The following AP5Z1 variants were observed in gnomAD, a reference collection of about 807,000 sequenced individuals.
AP5Z1 encodes AP-5 complex subunit zeta-1.
In AP5Z1, 106 loss-of-function variants were observed where a neutral mutation model predicts 83.0. The ratio of observed to expected loss-of-function variants is 1.28; its 90% CI spans 1.09 to 1.50. The LOEUF (loss-of-function observed/expected upper bound fraction) is 1.50, where lower values mean the gene tolerates loss of function less well. Among genes scored for constraint, AP5Z1 ranks in the 40% most tolerant of loss-of-function variants. AP5Z1 has a pLI of 0.00. For missense variants in AP5Z1, 1,565 were observed against 1,094.2 expected (o/e 1.43, Z -6.07); for synonymous variants, 751 against 514.1 (o/e 1.46, Z -6.23).
At position 4,781,372 on chromosome 7, in the gene AP5Z1, C is replaced by T. The variant is rs981055433; in HGVS notation, c.179+60C>T. ...ACAGCGGCCCCAGGAGAACCCAGCC[C>T]ACGCCCAGCAGGTCACTGCAGATGC... On this transcript the variant is annotated intron_variant, in intron 2 of 16. Transcript: ENST00000649063. The T allele has an allele frequency of 5.6e-6, 9 of 1,606,658 alleles. No homozygotes were observed. In the African/African-American group the frequency reaches 1.1e-4, roughly 19 times the overall value.
At chr7:4,789,625 C>T (rs547948315) in intron 13 of AP5Z1, among the ~76,000 whole-genome samples, 170 of 152,308 alleles carry the variant, frequency 1.1e-3, no homozygotes, top group African/African-American at 3.4e-3. Context: ...ACACCTCTGC[C>T]GGGGGCACTT....
chr7:4,779,350 ATGTTATATATCATAACG>A (rs1288209630), intron 1 of AP5Z1, among the ~76,000 whole-genome samples: 1 of 142,842 alleles, frequency 7.0e-6, no homozygotes, highest in Non-Finnish European at 1.5e-5. Flanking sequence ...AACATATAAC[ATGTTATATATCATAACG>A]TGTTATATGT....
At chr7:4,788,395 G>T (rs1781628125) in intron 12 of AP5Z1, 101 bp downstream of exon 12, 1 of 1,373,386 alleles carries the variant, frequency 7.3e-7, no homozygotes, top group South Asian at 1.6e-5. Context: ...AGGCCAGGGT[G>T]CTTTGTGTCC....
rs370660240 is a variant in AP5Z1 at position 4,790,749 on chromosome 7, A to C, written c.2015A>C (p.Glu672Ala). Residue 672 changes from glutamate to alanine, a missense_variant, in exon 16 of 17, where the codon GAA becomes GCA. Glu to Ala is a moderately radical substitution (Grantham distance 107). Transcript: ENST00000649063. ...GTGGAGCAGATCAACAAGTTCTTCG[A>C]AGCCCTGGAGGCTCTGCTATTCGAG... The part of the protein sequence containing the change: ...CTVEQINKFF[E>A]ALEALLFEVT... The C allele has an allele frequency of 1.7e-5, 27 of 1,609,692 alleles. No homozygotes were observed. The East Asian group carries it at 2.0e-4, about 12-fold the overall frequency.
At chr7:4,780,498 C>T (rs1329172194) in intron 1 of AP5Z1, among the ~76,000 whole-genome samples, 2 of 151,984 alleles carry the variant, frequency 1.3e-5, no homozygotes, top group Admixed American at 1.3e-4. Context: ...GGCGCGGTGG[C>T]TCACGCCTGT....
At chr7:4,788,047 C>T (rs1166805004) in intron 11 of AP5Z1, 107 bp from the exon 12 acceptor site, 1 of 1,424,276 alleles carries the variant, frequency 7.0e-7, no homozygotes, top group African/African-American at 1.4e-5. Flanking sequence ...TTCCTGGCAC[C>T]CGAGGTGCTG....
chr7:4,786,146 G>A (rs1222277712), intron 9 of AP5Z1, 104 bp from the exon 10 acceptor site: 11 of 1,244,050 alleles, frequency 8.8e-6, no homozygotes, highest in Non-Finnish European at 1.1e-5. Context: ...CGGAGCCCTT[G>A]GTGTCCTGGA....
Position 4,789,771 on chromosome 7 carries a change from C to A in AP5Z1, c.1708-61C>A. On this transcript the variant is annotated intron_variant, in intron 13 of 16. Transcript: ENST00000649063. ...CCCCAGCCCTCACCATGGCTTCACC[C>A]CCAACCTTAGGGCCTGCAGTGGGGG... 2.1e-6 allele frequency: 3 copies of A among 1,412,776 alleles called. No individual in the cohort carries two copies. The South Asian group carries it at 3.8e-5, about 18-fold the overall frequency. The allele number at this position is 1,412,776 out of a possible 1,614,324, so 87.5% of individuals were successfully genotyped here. A position where few individuals can be genotyped will look rare whatever the true frequency, so the allele number is the denominator to read the frequency against.
intron 5 of AP5Z1, 82 bp downstream of exon 5, chr7:4,783,880 G>A (rs1013368375): frequency 8.1e-5 from 113 of 1,394,518 alleles, no homozygotes; most frequent in African/African-American, 6.4e-4. Context: ...CCACAGCGGC[G>A]AGGCCTGCTG....
chr7:4,787,506 G>A, intron 10 of AP5Z1, 128 bp from the exon 11 acceptor site: 2 of 1,341,226 alleles, frequency 1.5e-6, no homozygotes, highest in Non-Finnish European at 2.0e-6. Flanking sequence ...AAAGCGGGAG[G>A]AGGCAAAGGT....
chr7:4,779,358 TATC>T (rs1298367254), intron 1 of AP5Z1, among the ~76,000 whole-genome samples: 1 of 145,340 alleles, frequency 6.9e-6, no homozygotes, highest in East Asian at 1.9e-4. Context: ...ACATGTTATA[TATC>T]ATAACGTGTT....
Position 4,781,292 on chromosome 7 carries a change from A to T in AP5Z1, c.159A>T (p.Ser53=), listed in dbSNP as rs1447505826. The T allele has an allele frequency of 6.2e-7, 1 of 1,613,418 alleles. No individual in the cohort carries two copies. The highest frequency in any genetic ancestry group is 1.3e-5 in the African/African-American group (1 of 74,906). ...DSLQRLFLII[S]ATKYSRRLEK... ...TGCAGAGGCTCTTCCTCATCATCTCAGCCACGAAGTACAGCCGGAGGTGAG... is the reference window on the plus strand; with the variant it reads ...TGCAGAGGCTCTTCCTCATCATCTCTGCCACGAAGTACAGCCGGAGGTGAG... The change falls in exon 2 of 17, where the codon TCA becomes TCT. Residue 53 remains serine (S), a synonymous_variant. Transcript: ENST00000649063.
chr7:4,779,848 T>C (rs1781333434), intron 1 of AP5Z1, among the ~76,000 whole-genome samples: 1 of 152,104 alleles, frequency 6.6e-6, no homozygotes, highest in Non-Finnish European at 1.5e-5. Context: ...TTCTCCATGT[T>C]AGCCAGCTGG....
intron 5 of AP5Z1, 120 bp from the exon 6 acceptor site, chr7:4,784,083 C>T: frequency 2.4e-6 from 3 of 1,253,034 alleles, no homozygotes; most frequent in African/African-American, 1.5e-5. Context: ...ACAGGGCGGG[C>T]CGCTGCCCGG....
chr7:4,794,263 C>T lies in AP5Z1; in HGVS notation c.*2878C>T, dbSNP rs1583247928. On this transcript the variant is annotated 3_prime_UTR_variant, in exon 17 of 17. Coordinates refer to ENST00000649063, the MANE Select transcript of AP5Z1 (RefSeq NM_014855.3). ...AAACAGACCACTCGGCTCTACCAGT[C>T]AGCAGGATGTGGGTGGGGCCAGATG... 6.6e-6 allele frequency: 1 copy of T among 152,254 alleles called. No homozygotes were observed. Among genetic ancestry groups the T allele is most frequent in the Admixed American group, 6.5e-5 (1 of 15,282 alleles). 9.4% of individuals were successfully genotyped at this position (152,254 alleles called of 1,614,324 possible).
At chr7:4,790,619 C>G (rs578246400) in intron 15 of AP5Z1, 28 bp downstream of exon 15, 1 of 1,612,276 alleles carries the variant, frequency 6.2e-7, no homozygotes, top group Non-Finnish European at 8.5e-7. Context: ...CTCCCACAGC[C>G]GCTCCTGACC....
Position 4,784,864 on chromosome 7 carries a change from C to A in AP5Z1, c.791-44C>A, listed in dbSNP as rs371873524. The A allele has an allele frequency of 6.7e-5, 107 of 1,585,580 alleles. No homozygotes were observed. The African/African-American group carries it at 1.3e-3, about 19-fold the overall frequency. ...GCAGGGCAGCAGGCATGTCCCAGCC[C>A]GGGAGCCACACGTCAGCCTGCTGAG... On this transcript the variant is annotated intron_variant, in intron 6 of 16. Coordinates refer to ENST00000649063, the MANE Select transcript of AP5Z1 (RefSeq NM_014855.3).
Position 4,775,671 on chromosome 7 carries a change from T to C in AP5Z1, c.-45T>C, listed in dbSNP as rs750471843. On this transcript the variant is annotated 5_prime_UTR_variant, in exon 1 of 17. Transcript: ENST00000649063. ...GGGTGCGGAGCTCCTGGGCTGCAGCTCCTGGAGTTTCCGAGGTTCGTGCGC... is the reference window on the plus strand; with the variant it reads ...GGGTGCGGAGCTCCTGGGCTGCAGCCCCTGGAGTTTCCGAGGTTCGTGCGC... 5 of 1,605,024 alleles carry C rather than the reference T, an allele frequency of 3.1e-6. No homozygotes were observed. In the East Asian group the frequency reaches 6.7e-5, roughly 21 times the overall value.
intron 12 of AP5Z1, 44 bp downstream of exon 12, chr7:4,788,338 C>G (rs758889977): frequency 7.2e-6 from 11 of 1,524,692 alleles, no homozygotes; most frequent in Non-Finnish European, 9.7e-6. Context: ...GCTCAGAGAG[C>G]CCGGCCACAG....
Sources: allele counts gnomAD v4.1 joint callset (sites outside exome capture counted in the v4.1 genomes callset), GRCh38; gene constraint gnomAD v4.1.1; transcripts MANE v1.5; gene names NCBI Gene and HGNC (gene_info 2026-07-23, HGNC 2026-07-21).